Variants in PSD3 observed in about 807,000 individuals in gnomAD.
The protein encoded by PSD3 is pleckstrin and Sec7 domain containing 3.
A neutral mutation model predicts 105.5 loss-of-function variants in PSD3; 49 were observed. The observed-to-expected ratio is 0.46, with a 90% CI of 0.37 to 0.59. The LOEUF (loss-of-function observed/expected upper bound fraction) is 0.59. Ranked by LOEUF, PSD3 falls within the 20% of genes least tolerant of loss-of-function variation. The pLI is 0.00. For missense variants in PSD3, 1,561 were observed against 1,263.8 expected (o/e 1.24, Z -3.57); for synonymous variants, 557 against 457.8 (o/e 1.22, Z -2.77).
At chr8:18,621,187 T>G (rs1198738188) in intron 11 of PSD3, among the ~76,000 whole-genome samples, 2 of 152,254 alleles carry the variant, frequency 1.3e-5, no homozygotes, top group African/African-American at 2.4e-5. Context: ...AAGGGCAGAT[T>G]ACCTGAGGTC....
intron 9 of PSD3, among the ~76,000 whole-genome samples, chr8:18,701,132 ATTTTT>A (rs35402329): frequency 1.4e-5 from 2 of 138,058 alleles, no homozygotes; most frequent in Non-Finnish European, 3.1e-5. Flanking sequence ...AGCCTGGCTG[ATTTTT>A]TTTTTTTTTT....
intron 1 of PSD3, among the ~76,000 whole-genome samples, chr8:19,044,329 T>C (rs188018366): frequency 2.4e-4 from 37 of 152,308 alleles, no homozygotes; most frequent in African/African-American, 8.7e-4. Flanking sequence ...TACCTTTGAT[T>C]ATATAATTGC....
At chr8:18,963,798 G>A (rs553191166) in intron 1 of PSD3, among the ~76,000 whole-genome samples, 76 of 152,210 alleles carry the variant, frequency 5.0e-4, no homozygotes, top group African/African-American at 1.4e-3. Flanking sequence ...CCACATTATC[G>A]AAACATGAAG....
chr8:18,964,464 C>T (rs1029379448), intron 1 of PSD3, among the ~76,000 whole-genome samples: 1 of 151,340 alleles, frequency 6.6e-6, no homozygotes, highest in Non-Finnish European at 1.5e-5. Flanking sequence ...ACCTTAATGA[C>T]TTTTTTTTGC....
In PSD3 at chr8:18,806,799, G is replaced by A. The variant is rs563221306; in HGVS notation, c.1635-1901C>T. On this transcript the variant is annotated intron_variant, in intron 4 of 15. Coordinates refer to ENST00000327040, the MANE Select transcript of PSD3 (RefSeq NM_015310.4). Reference sequence around the variant, plus strand: ...GCATTAAGCACAATAACCATTTACTGTCTAAACCAGGACACTCTAAAGGGG... The same window carrying A: ...GCATTAAGCACAATAACCATTTACTATCTAAACCAGGACACTCTAAAGGGG... Among the ~76,000 whole-genome samples the A allele has an allele frequency of 3.9e-5, 6 of 152,144 alleles. No individual in the cohort carries two copies. The South Asian group carries it at 1.3e-3, about 32-fold the overall frequency.
intron 4 of PSD3, among the ~76,000 whole-genome samples, chr8:18,827,068 C>A (rs1427597979): frequency 2.0e-5 from 3 of 152,182 alleles, no homozygotes; most frequent in Admixed American, 6.5e-5. Flanking sequence ...AAACAAAGTT[C>A]TCTCACTGAT....
chr8:19,052,470 CA>C (rs5889846), intron 1 of PSD3, among the ~76,000 whole-genome samples: 90,386 of 116,126 alleles, frequency 0.78, 33,929 homozygotes, highest in Non-Finnish European at 0.86. Flanking sequence ...GACTCTGTCT[CA>C]AAAAAAAAAA....
At chr8:18,704,283 A>G (rs1801760851) in intron 9 of PSD3, among the ~76,000 whole-genome samples, 1 of 152,214 alleles carries the variant, frequency 6.6e-6, no homozygotes, top group African/African-American at 2.4e-5. Context: ...CTAGAGGACC[A>G]GTTCTAGCAA....
chr8:18,848,572 A>G (rs1369396458), intron 4 of PSD3, among the ~76,000 whole-genome samples: 1 of 152,248 alleles, frequency 6.6e-6, no homozygotes, highest in Non-Finnish European at 1.5e-5. Context: ...TAAACGCTTA[A>G]TAAGACTGCG....
chr8:18,853,510 C>A (rs1484205479), intron 4 of PSD3, among the ~76,000 whole-genome samples: 5 of 152,040 alleles, frequency 3.3e-5, no homozygotes, highest in Admixed American at 2.6e-4. Context: ...CAGAAAGAAA[C>A]CGTGAGGCTG....
At chr8:18,706,090 C>G (rs1801879837) in intron 9 of PSD3, among the ~76,000 whole-genome samples, 1 of 152,138 alleles carries the variant, frequency 6.6e-6, no homozygotes, top group Non-Finnish European at 1.5e-5. Flanking sequence ...TCCAGTTCTT[C>G]CCTTCCACCA....
intron 14 of PSD3, among the ~76,000 whole-genome samples, chr8:18,560,175 TACAC>T (rs5889808): frequency 0.031 from 4,477 of 142,860 alleles, 105 homozygotes; most frequent in Non-Finnish European, 0.045. Flanking sequence ...ATACACATTT[TACAC>T]ACACACACAC....
intron 8 of PSD3, chr8:18,774,913 G>A (rs1489280634): frequency 2.2e-6 from 1 of 456,060 alleles, no homozygotes. Context: ...CCTTAATCTT[G>A]GCTACGGCTG....
At position 18,872,146 on chromosome 8, in the gene PSD3, C is replaced by G. The variant is rs1346415820; in HGVS notation, c.718G>C (p.Ala240Pro). 3.7e-6 allele frequency: 6 copies of G among 1,614,086 alleles called. No individual in the cohort carries two copies. The East Asian group carries it at 1.3e-4, about 36-fold the overall frequency. ...CAAGATGGCTCCTGCACACAGACAGCCCCTTTCCTCCCATTATTCATTATC... is the reference window on the plus strand; with the variant it reads ...CAAGATGGCTCCTGCACACAGACAGGCCCTTTCCTCCCATTATTCATTATC... ...SQIMNNGRKG[A>P]VCVQEPSCPL... The change falls in exon 3 of 16, where the codon GCT becomes CCT. Residue 240 changes from alanine (A) to proline (P), a missense_variant. By Grantham distance (27) the Ala-to-Pro change is conservative. Transcript: ENST00000327040.
At chr8:18,644,766 T>C (rs1236354099) in intron 10 of PSD3, among the ~76,000 whole-genome samples, 2 of 152,208 alleles carry the variant, frequency 1.3e-5, no homozygotes, top group East Asian at 1.9e-4. Context: ...CTTATTGTTA[T>C]AGCAACAGCC....
intron 15 of PSD3, among the ~76,000 whole-genome samples, chr8:18,538,633 A>G (rs1018818633): frequency 6.6e-6 from 1 of 152,200 alleles, no homozygotes; most frequent in East Asian, 1.9e-4. Context: ...ATGAAAAGAG[A>G]ATGAAGAAAA....
At chr8:18,803,389 C>CTGTGTGTGTGTG (rs59427991) in intron 6 of PSD3, 11,365 of 143,170 alleles carry the variant, frequency 0.079, 473 homozygotes, top group Middle Eastern at 0.16. Context: ...AATCTATAAA[C>CTGTGTGTGTGTG]TGTGTGTGTG....
chr8:18,679,792 A>C (rs186075410), intron 9 of PSD3, among the ~76,000 whole-genome samples: 71 of 152,212 alleles, frequency 4.7e-4, no homozygotes, highest in Non-Finnish European at 1.5e-4. Context: ...CCAGTACTTT[A>C]CTGGAAGTTC....
At chr8:18,780,227 A>G (rs1446945170) in intron 8 of PSD3, among the ~76,000 whole-genome samples, 1 of 152,164 alleles carries the variant, frequency 6.6e-6, no homozygotes, top group Non-Finnish European at 1.5e-5. Flanking sequence ...ATACTAGTGT[A>G]GCTACTCATG....
Sources: gnomAD v4.1 joint callset for allele counts (sites outside exome capture counted in the v4.1 genomes callset) on GRCh38, gnomAD v4.1.1 for gene constraint, MANE v1.5 for transcripts, NCBI Gene and HGNC (gene_info 2026-07-23, HGNC 2026-07-21) for gene names.